RALGAPA2: variants seen among roughly 807,000 people sequenced by gnomAD.
The protein encoded by RALGAPA2 is ral GTPase-activating protein subunit alpha-2.
A neutral mutation model predicts 230.4 loss-of-function variants in RALGAPA2; 139 were observed. That is an observed-to-expected ratio of 0.60 (90% CI 0.53 to 0.69). RALGAPA2 has a LOEUF of 0.69. RALGAPA2 is among the 30% of genes least tolerant of loss of function. The pLI is 0.00. For synonymous variants in RALGAPA2, 847 were observed against 837.8 expected, an observed-to-expected ratio of 1.01 and a Z score of -0.19; for missense variants, 2,163 against 2,276.0, an observed-to-expected ratio of 0.95 and a Z score of 1.01.
At chr20:20,678,911 G>C (rs991627809) in intron 2 of RALGAPA2, among the ~76,000 whole-genome samples, 1 of 152,004 alleles carries the variant, frequency 6.6e-6, no homozygotes, top group Non-Finnish European at 1.5e-5. Flanking sequence ...TGCACCAATA[G>C]GCTGACTCTA....
chr20:20,595,982 C>T (rs1262064743), intron 16 of RALGAPA2, among the ~76,000 whole-genome samples: 1 of 151,582 alleles, frequency 6.6e-6, no homozygotes, highest in Non-Finnish European at 1.5e-5. Flanking sequence ...AACAAACAAA[C>T]AAAAAAACTG....
chr20:20,513,693 T>C (rs1315431876), intron 31 of RALGAPA2, among the ~76,000 whole-genome samples: 1 of 152,128 alleles, frequency 6.6e-6, no homozygotes, highest in Non-Finnish European at 1.5e-5. Flanking sequence ...CAGAGCTATC[T>C]TGGGGAGAGA....
intron 37 of RALGAPA2, among the ~76,000 whole-genome samples, chr20:20,430,585 A>G (rs1054407875): frequency 1.3e-5 from 2 of 152,218 alleles, no homozygotes; most frequent in Non-Finnish European, 2.9e-5. Context: ...ATCCTGATCA[A>G]GTATACTGGT....
chr20:20,405,948 A>G (rs1367421349), intron 38 of RALGAPA2, among the ~76,000 whole-genome samples: 1 of 152,206 alleles, frequency 6.6e-6, no homozygotes, highest in Non-Finnish European at 1.5e-5. Flanking sequence ...CTCCTGTTGC[A>G]TGTAGGAAAG....
chr20:20,404,459 G>A (rs1326284947), intron 38 of RALGAPA2, among the ~76,000 whole-genome samples: 4 of 152,150 alleles, frequency 2.6e-5, no homozygotes, highest in Non-Finnish European at 4.4e-5. Flanking sequence ...TTCCTAAACA[G>A]GAATTTGAGC....
intron 5 of RALGAPA2, among the ~76,000 whole-genome samples, chr20:20,641,232 A>G (rs1185503842): frequency 6.6e-6 from 1 of 152,230 alleles, no homozygotes; most frequent in Non-Finnish European, 1.5e-5. Context: ...ACATATGTAA[A>G]CCAAATAACA....
At position 20,643,549 on chromosome 20, in the gene RALGAPA2, C is replaced by G; in HGVS notation, c.329G>C (p.Gly110Ala). 6.8e-7 allele frequency: 1 copy of G among 1,465,922 alleles called. No individual in the cohort carries two copies. The highest frequency in any genetic ancestry group is 9.2e-7 in the Non-Finnish European group (1 of 1,085,906). 90.8% of individuals were successfully genotyped at this position (1,465,922 alleles called of 1,614,324 possible). ...IFFRWHYQSIGSTLKKLLHTG... is the reference protein window; with the variant it reads ...IFFRWHYQSIASTLKKLLHTG... ...GTGTAGAAGCTTCTTTAAAGTTGAG[C>G]CTGAAAGTTTAAAATAATGAATTAT... The change falls in exon 5 of 40, where the codon GGC becomes GCC. Residue 110 changes from glycine (G) to alanine (A), a missense_variant and splice_region_variant. Coordinates refer to ENST00000202677, the MANE Select transcript of RALGAPA2 (RefSeq NM_020343.4).
chr20:20,670,838 A>G (rs2068109641), intron 3 of RALGAPA2, among the ~76,000 whole-genome samples: 1 of 151,440 alleles, frequency 6.6e-6, no homozygotes, highest in African/African-American at 2.4e-5. Context: ...AGTCCCAACT[A>G]CTCAGGAGGC....
Position 20,511,316 on chromosome 20 carries a change from A to C in RALGAPA2, c.4866T>G (p.Phe1622Leu). The C allele has an allele frequency of 6.4e-7, 1 of 1,554,544 alleles. No individual in the cohort carries two copies. The highest frequency in any genetic ancestry group is 8.7e-7 in the Non-Finnish European group (1 of 1,149,258). Residue 1622 changes from phenylalanine to leucine, a missense_variant, in exon 33 of 40, where the codon TTT (phenylalanine) becomes TTG (leucine). Transcript: ENST00000202677. The stretch of plus-strand genomic sequence containing the variant: ...ATTTTGAATTTTTCTTCAATAGATG[A>C]AAATTCTTCCTATAAAGAAAAAAGG... ...GMNSWDRRKN[F>L]HLLKKNSKLL...
intron 20 of RALGAPA2, among the ~76,000 whole-genome samples, chr20:20,577,446 C>T (rs1049962850): frequency 2.0e-5 from 3 of 152,158 alleles, no homozygotes; most frequent in African/African-American, 7.2e-5. Flanking sequence ...GAAAACACAC[C>T]TGTAGTTCCC....
In RALGAPA2 at chr20:20,654,497, G is replaced by T. The variant is rs544459655; in HGVS notation, c.271-910C>A. Among the ~76,000 whole-genome samples, 3 of 152,292 alleles carry T rather than the reference G, an allele frequency of 2.0e-5. No homozygotes were observed. The East Asian group carries it at 5.8e-4, about 29-fold the overall frequency. On this transcript the variant is annotated intron_variant, in intron 3 of 39. Coordinates refer to ENST00000202677, the MANE Select transcript of RALGAPA2 (RefSeq NM_020343.4). ...GGGCCACCACGTCCAGCCCCATGCA[G>T]TATCTTTCTGTGCCTGGCTTATTTC...
chr20:20,497,962 A>G (rs2062259795), intron 35 of RALGAPA2, among the ~76,000 whole-genome samples: 1 of 152,228 alleles, frequency 6.6e-6, no homozygotes, highest in Non-Finnish European at 1.5e-5. Flanking sequence ...ATAAATCTGG[A>G]GCAAAGGGCA....
intron 1 of RALGAPA2, among the ~76,000 whole-genome samples, chr20:20,699,124 T>C (rs1012105613): frequency 2.0e-5 from 3 of 150,466 alleles, no homozygotes; most frequent in Non-Finnish European, 4.4e-5. Flanking sequence ...TTTTTCTGGT[T>C]AATTACACGT....
In RALGAPA2 at chr20:20,495,135, C is replaced by A; in HGVS notation, c.5349G>T (p.Ala1783=). The change falls in exon 36 of 40, where the codon GCG becomes GCT. Residue 1783 remains alanine, a synonymous_variant. Coordinates refer to ENST00000202677, the MANE Select transcript of RALGAPA2 (RefSeq NM_020343.4). The part of the protein sequence containing the change: ...YPMKNHMFFI[A]ITKKPEVPFF... The stretch of plus-strand genomic sequence containing the variant: ...AACGTACCTCAGGTTTCTTCGTTAT[C>A]GCGATGAAGAACATGTGATTCTTCA... 1.2e-6 allele frequency: 2 copies of A among 1,605,044 alleles called. No homozygotes were observed. Among genetic ancestry groups the A allele is most frequent in the Non-Finnish European group, 1.7e-6 (2 of 1,173,164 alleles).
chr20:20,493,310 A>T, intron 36 of RALGAPA2, among the ~76,000 whole-genome samples: 1 of 152,244 alleles, frequency 6.6e-6, no homozygotes, highest in East Asian at 1.9e-4. Context: ...TAAGGATAAT[A>T]CTAAATTTCC....
chr20:20,584,064 T>C (rs2065062979), intron 19 of RALGAPA2, among the ~76,000 whole-genome samples: 1 of 152,204 alleles, frequency 6.6e-6, no homozygotes, highest in South Asian at 2.1e-4. Context: ...TAAAGAGCTC[T>C]AAGCTAGCAG....
At chr20:20,570,944 TG>T (rs1188912369) in intron 23 of RALGAPA2, among the ~76,000 whole-genome samples, 1 of 152,210 alleles carries the variant, frequency 6.6e-6, no homozygotes, top group African/African-American at 2.4e-5. Flanking sequence ...AGTGGCTCCT[TG>T]GGCCTTTCTG....
chr20:20,567,895 TAAAATA>T (rs1246788126), intron 23 of RALGAPA2, among the ~76,000 whole-genome samples: 3 of 133,064 alleles, frequency 2.3e-5, no homozygotes, highest in Non-Finnish European at 3.1e-5. Flanking sequence ...TAAAATAAAA[TAAAATA>T]AAATAAAATA....
chr20:20,496,012 T>C (rs569728426), intron 35 of RALGAPA2, among the ~76,000 whole-genome samples: 1 of 152,250 alleles, frequency 6.6e-6, no homozygotes, highest in East Asian at 1.9e-4. Flanking sequence ...TACCCGAGGA[T>C]GCATGAGTAG....
Sources: gnomAD v4.1 joint callset for allele counts (sites outside exome capture counted in the v4.1 genomes callset) on GRCh38, gnomAD v4.1.1 for gene constraint, MANE v1.5 for transcripts, NCBI Gene and HGNC (gene_info 2026-07-23, HGNC 2026-07-21) for gene names.